Variants in CERKL observed in about 807,000 individuals in gnomAD.
CERKL encodes the protein CERK like autophagy regulator, also known as ceramide kinase-like protein.
In CERKL, 61 loss-of-function variants were observed where a neutral mutation model predicts 63.4. The ratio of observed to expected loss-of-function variants is 0.96; its 90% CI spans 0.78 to 1.19. The LOEUF (loss-of-function observed/expected upper bound fraction) is 1.19. CERKL is among the 50% of genes most tolerant of loss of function. CERKL has a pLI of 0.00. For synonymous variants in CERKL, 250 were observed against 230.5 expected, an observed-to-expected ratio of 1.08 and a Z score of -0.77; for missense variants, 675 against 655.5, an observed-to-expected ratio of 1.03 and a Z score of -0.33.
rs545282510 is a variant in CERKL at position 181,562,839 on chromosome 2, AGTTT to A, written c.677+3215_677+3218del. 8.1e-4 allele frequency among the ~76,000 whole-genome samples: 123 copies of A among 152,162 alleles called. 1 individual carries two copies. Among genetic ancestry groups the A allele is most frequent in the African/African-American group, 2.5e-3 (102 of 41,530 alleles). On this transcript the variant is annotated intron_variant, in intron 4 of 12. Transcript: ENST00000410087. ...TCACAGTTTTTTTTCTTTCTGGAAA[AGTTT>A]GTTTTTGTTTTTGCTTTTTACCTTA...
intron 1 of CERKL, chr2:181,649,444 T>C (rs1687807591): frequency 6.6e-6 from 1 of 152,168 alleles, no homozygotes; most frequent in Admixed American, 6.5e-5. Context: ...AATACAATAA[T>C]AGTAAGAGAC....
At chr2:181,545,861 A>G (rs1687705077) in intron 10 of CERKL, among the ~76,000 whole-genome samples, 1 of 152,198 alleles carries the variant, frequency 6.6e-6, no homozygotes, top group South Asian at 2.1e-4. Flanking sequence ...AAATAGAAAC[A>G]CAACTTACAT....
intron 2 of CERKL, among the ~76,000 whole-genome samples, chr2:181,591,268 G>A (rs1425616973): frequency 2.6e-5 from 4 of 152,038 alleles, no homozygotes; most frequent in Non-Finnish European, 4.4e-5. Flanking sequence ...CAGTGCAATC[G>A]GTTACCTATA....
At chr2:181,560,245 A>C (rs1028590109) in intron 4 of CERKL, among the ~76,000 whole-genome samples, 22 of 152,312 alleles carry the variant, frequency 1.4e-4, no homozygotes, top group South Asian at 1.2e-3. Context: ...GGGTGTGACC[A>C]AAAAGACTAT....
chr2:181,600,774 C>G lies in CERKL; in HGVS notation c.481+3063G>C, dbSNP rs147465507. ...ATAATAGTGGGGGACTTCAACACCC[C>G]ACTCACAGCACCAGACAGATCACCA... On this transcript the variant is annotated intron_variant, in intron 2 of 12. Coordinates refer to ENST00000410087, the MANE Select transcript of CERKL (RefSeq NM_201548.5). Among the ~76,000 whole-genome samples, 21 of 152,260 alleles carry G rather than the reference C, an allele frequency of 1.4e-4. No homozygotes were observed. The East Asian group carries it at 3.9e-3, about 28-fold the overall frequency.
At chr2:181,626,320 T>C (rs918912730) in intron 1 of CERKL, among the ~76,000 whole-genome samples, 1 of 151,384 alleles carries the variant, frequency 6.6e-6, no homozygotes, top group Non-Finnish European at 1.5e-5. Flanking sequence ...ATAATGATAT[T>C]TGCTTGAAAA....
intron 2 of CERKL, among the ~76,000 whole-genome samples, chr2:181,583,117 G>A (rs753925841): frequency 1.3e-4 from 20 of 149,590 alleles, no homozygotes; most frequent in African/African-American, 4.0e-4. Context: ...CCCCAGTTGC[G>A]AAGTAACATC....
intron 4 of CERKL, among the ~76,000 whole-genome samples, chr2:181,561,781 C>T (rs185046243): frequency 5.2e-4 from 79 of 151,744 alleles, no homozygotes; most frequent in African/African-American, 1.9e-3. Context: ...GCTTCCACAA[C>T]TTCATTTATC....
At position 181,609,533 on chromosome 2, in the gene CERKL, T is replaced by TG. The variant is rs1267362169; in HGVS notation, c.239-5455_239-5454insC. ...CACCATGGTGAAACCCTGTCTCTAC[T>TG]AAAAAAAAAAAAAAAAAAAAAAATT... On this transcript the variant is annotated intron_variant, in intron 1 of 12. Transcript: ENST00000410087. 3.7e-4 allele frequency among the ~76,000 whole-genome samples: 26 copies of TG among 70,236 alleles called. 2 individuals carry two copies. The highest frequency in any genetic ancestry group is 8.1e-4 in the African/African-American group (17 of 21,108). The allele number at this position is 70,236 out of a possible 152,430, so 46.1% of individuals were successfully genotyped here.
intron 11 of CERKL, among the ~76,000 whole-genome samples, chr2:181,542,695 C>T (rs552376565): frequency 3.3e-5 from 5 of 151,470 alleles, no homozygotes; most frequent in African/African-American, 7.3e-5. Flanking sequence ...GAGTTAAGGC[C>T]AGTGAATCAC....
chr2:181,556,350 G>A (rs1272474355), intron 5 of CERKL, among the ~76,000 whole-genome samples: 6 of 151,898 alleles, frequency 4.0e-5, no homozygotes, highest in East Asian at 3.9e-4. Flanking sequence ...CCATTAACTC[G>A]TCATTTACAT....
rs200988565 is a variant in CERKL at position 181,537,498 on chromosome 2, C to A, written c.*686G>T. 4 of 453,256 alleles carry A rather than the reference C, an allele frequency of 8.8e-6. No homozygotes were observed. Among genetic ancestry groups the A allele is most frequent in the Admixed American group, 7.1e-5 (3 of 42,464 alleles). 28.1% of individuals were successfully genotyped at this position (453,256 alleles called of 1,614,324 possible). ...ACAGGGATGGGTTATTCTTTTTTGG[C>A]AGGTAGGCTATATAACTATGTGATT... On this transcript the variant is annotated 3_prime_UTR_variant, in exon 13 of 13. Coordinates refer to ENST00000410087, the MANE Select transcript of CERKL (RefSeq NM_201548.5).
chr2:181,573,714 T>C (rs950713186), intron 3 of CERKL, 39 bp downstream of exon 3: 2 of 1,591,038 alleles, frequency 1.3e-6, no homozygotes, highest in Admixed American at 1.7e-5. Flanking sequence ...TTTTGTATGT[T>C]TTTGTAGATG....
chr2:181,655,366 T>G (rs143010187), intron 1 of CERKL, among the ~76,000 whole-genome samples: 98 of 152,358 alleles, frequency 6.4e-4, no homozygotes, highest in African/African-American at 2.3e-3. Context: ...GCATTTCAGC[T>G]GCACTGTAGG....
chr2:181,620,060 C>CTAATTAATTAGTAATTAATTAAATA, intron 1 of CERKL, among the ~76,000 whole-genome samples: 1 of 152,132 alleles, frequency 6.6e-6, no homozygotes, highest in East Asian at 1.9e-4. Flanking sequence ...TGTAACTGAA[C>CTAATTAATTAGTAATTAATTAAATA]CTCCATGGGC....
chr2:181,568,972 G>A (rs1688787993), intron 3 of CERKL, among the ~76,000 whole-genome samples: 1 of 151,892 alleles, frequency 6.6e-6, no homozygotes. Context: ...ATCTGTAACA[G>A]TTCTGGTCCC....
chr2:181,624,713 G>C (rs1294490854), intron 1 of CERKL, among the ~76,000 whole-genome samples: 1 of 112,878 alleles, frequency 8.9e-6, no homozygotes. Context: ...AACAGGATTT[G>C]TTGATAGGTT....
intron 1 of CERKL, among the ~76,000 whole-genome samples, chr2:181,624,450 A>C (rs1220399269): frequency 3.3e-5 from 5 of 152,108 alleles, no homozygotes; most frequent in Admixed American, 2.6e-4. Context: ...CAGGAGGATC[A>C]CTTGAGCCCA....
chr2:181,579,064 T>C (rs988024632), intron 2 of CERKL, among the ~76,000 whole-genome samples: 5 of 152,034 alleles, frequency 3.3e-5, no homozygotes, highest in Non-Finnish European at 7.3e-5. Flanking sequence ...CTTCACTCTG[T>C]CATTTATTAA....
Sources: allele counts gnomAD v4.1 joint callset (sites outside exome capture counted in the v4.1 genomes callset), GRCh38; gene constraint gnomAD v4.1.1; transcripts MANE v1.5; gene names NCBI Gene and HGNC (gene_info 2026-07-23, HGNC 2026-07-21).